PSMA4: variants seen among roughly 807,000 people sequenced by gnomAD.
PSMA4 encodes proteasome 20S subunit alpha 4.
Under a neutral mutation model 37.2 loss-of-function variants are expected in PSMA4, and 8 were observed. The ratio of observed to expected loss-of-function variants is 0.22; its 90% CI spans 0.13 to 0.39. PSMA4 has a LOEUF of 0.39. PSMA4 is among the 10% of genes least tolerant of loss of function. The pLI, the probability that PSMA4 is intolerant of heterozygous loss-of-function variation, is 1.00. For synonymous variants in PSMA4, 93 were observed against 98.8 expected, an observed-to-expected ratio of 0.94 and a Z score of 0.35; for missense variants, 169 against 305.1, an observed-to-expected ratio of 0.55 and a Z score of 3.32.
intron 8 of PSMA4, among the ~76,000 whole-genome samples, chr15:78,547,895 C>A: frequency 6.6e-6 from 1 of 151,562 alleles, no homozygotes; most frequent in East Asian, 2.0e-4. Context: ...TAACATGTTG[C>A]TTTATGTTAG....
chr15:78,548,840 C>A lies in PSMA4; in HGVS notation c.682C>A (p.Leu228Ile). The change falls in exon 9 of 9, where the codon CTC becomes ATC. Residue 228 changes from leucine (L) to isoleucine (I), a missense_variant. Leu to Ile is a conservative substitution (Grantham distance 5). Transcript: ENST00000044462. Reference sequence around the variant, plus strand: ...GAATGGAAAGACAGTAATCAGAGTTCTCAAACAAAAAGAAGTGGAGCAGTT... The same window carrying A: ...GAATGGAAAGACAGTAATCAGAGTTATCAAACAAAAAGAAGTGGAGCAGTT... Reference protein sequence around the residue: ...RENGKTVIRVLKQKEVEQLIK... With the variant: ...RENGKTVIRVIKQKEVEQLIK... The A allele has an allele frequency of 6.2e-7, 1 of 1,612,000 alleles. No individual in the cohort carries two copies.
At chr15:78,544,297 A>C (rs781630972) in intron 5 of PSMA4, 30 bp downstream of exon 5, 1 of 1,453,894 alleles carries the variant, frequency 6.9e-7, no homozygotes. Context: ...AACTGATGAT[A>C]CAGAAATTAG....
intron 4 of PSMA4, 121 bp from the exon 5 acceptor site, chr15:78,544,069 A>C: frequency 1.5e-6 from 1 of 651,872 alleles, no homozygotes; most frequent in South Asian, 2.2e-5. Context: ...TTCTGAAGGA[A>C]GTAGCTGTTG....
rs1266650629 is a variant in PSMA4 at position 78,544,299 on chromosome 15, A to G, written c.287+32A>G. The G allele has an allele frequency of 2.7e-6, 4 of 1,495,452 alleles. No individual in the cohort carries two copies. The Admixed American group carries it at 5.8e-5, about 22-fold the overall frequency. The allele number at this position is 1,495,452 out of a possible 1,614,324, so 92.6% of individuals were successfully genotyped here. A position where few individuals can be genotyped will look rare whatever the true frequency, so the allele number is the denominator to read the frequency against. On this transcript the variant is annotated intron_variant, in intron 5 of 8. Coordinates refer to ENST00000044462, the MANE Select transcript of PSMA4 (RefSeq NM_002789.6). ...TCATAAATAGCATAACTGATGATAC[A>G]GAAATTAGTTTTGATGTTTCTTTTT...
At chr15:78,545,038 T>A in intron 6 of PSMA4, 81 bp downstream of exon 6, 1 of 870,172 alleles carries the variant, frequency 1.1e-6, no homozygotes, top group Non-Finnish European at 1.7e-6. Context: ...AGTAAAAAAT[T>A]GAAAATAGAC....
At chr15:78,542,344 A>G (rs1359372344) in intron 3 of PSMA4, 125 bp downstream of exon 3, 1 of 1,397,100 alleles carries the variant, frequency 7.2e-7, no homozygotes, top group South Asian at 1.3e-5. Flanking sequence ...TGAAGCAATT[A>G]TCATCACCAG....
In PSMA4 at chr15:78,544,277, T is replaced by C. The variant is rs1567035542; in HGVS notation, c.287+10T>C. On this transcript the variant is annotated intron_variant, in intron 5 of 8. Coordinates refer to ENST00000044462, the MANE Select transcript of PSMA4 (RefSeq NM_002789.6). Reference sequence around the variant, plus strand: ...GGCTCATTGCTCAAAGGTATGGTCATAAATAGCATAACTGATGATACAGAA... The same window carrying C: ...GGCTCATTGCTCAAAGGTATGGTCACAAATAGCATAACTGATGATACAGAA... 2 of 1,532,454 alleles carry C rather than the reference T, an allele frequency of 1.3e-6. No homozygotes were observed. Among genetic ancestry groups the C allele is most frequent in the South Asian group, 2.3e-5 (2 of 85,782 alleles). The allele number at this position is 1,532,454 out of a possible 1,614,324, so 94.9% of individuals were successfully genotyped here.
intron 7 of PSMA4, among the ~76,000 whole-genome samples, chr15:78,546,311 G>T (rs575730785): frequency 6.6e-6 from 1 of 152,170 alleles, no homozygotes; most frequent in South Asian, 2.1e-4. Context: ...GGGCGCCATG[G>T]CATGTGCCTG....
intron 6 of PSMA4, 80 bp from the exon 7 acceptor site, chr15:78,545,554 C>G (rs1313643451): frequency 1.4e-6 from 2 of 1,477,886 alleles, no homozygotes; most frequent in East Asian, 2.3e-5. Flanking sequence ...TAGGGTTTAG[C>G]TACCTTCACT....
chr15:78,540,976 TTC>T (rs1452863635), intron 1 of PSMA4: 1 of 152,382 alleles, frequency 6.6e-6, no homozygotes, highest in South Asian at 2.1e-4. Context: ...TCCTCCCTGC[TTC>T]TCTGCTCTGT....
In PSMA4 at chr15:78,549,132, T is replaced by C. The variant is rs2052608785; in HGVS notation, c.*188T>C. The C allele has an allele frequency of 1.1e-6, 1 of 905,696 alleles. No homozygotes were observed. The highest frequency in any genetic ancestry group is 4.0e-4 in the Middle Eastern group (1 of 2,514). The allele number at this position is 905,696 out of a possible 1,614,324, so 56.1% of individuals were successfully genotyped here. A position where few individuals can be genotyped will look rare whatever the true frequency, so the allele number is the denominator to read the frequency against. Reference sequence around the variant, plus strand: ...TTGTAACGATGATGGTTACCCTTCATGGACGTCTTAATCTTCCACACACAT... The same window carrying C: ...TTGTAACGATGATGGTTACCCTTCACGGACGTCTTAATCTTCCACACACAT... On this transcript the variant is annotated 3_prime_UTR_variant, in exon 9 of 9. Transcript: ENST00000044462.
At position 78,551,897 on chromosome 15, in the gene PSMA4, A is replaced by T. The variant is rs774212038; in HGVS notation, c.*2953A>T. On this transcript the variant is annotated 3_prime_UTR_variant, in exon 9 of 9. Transcript: ENST00000044462. ...AGAGAGCCTGGTATAGTTTGCCGCC[A>T]CATTAGGAAAGTCTTCAGAATTTGA... The T allele has an allele frequency of 6.6e-6, 1 of 152,210 alleles. No homozygotes were observed. The highest frequency in any genetic ancestry group is 1.5e-5 in the Non-Finnish European group (1 of 68,038). 9.4% of individuals were successfully genotyped at this position (152,210 alleles called of 1,614,324 possible). A position where few individuals can be genotyped will look rare whatever the true frequency, so the allele number is the denominator to read the frequency against.
At chr15:78,545,327 C>G (rs1282253886) in intron 6 of PSMA4, among the ~76,000 whole-genome samples, 1 of 152,194 alleles carries the variant, frequency 6.6e-6, no homozygotes, top group Admixed American at 6.5e-5. Flanking sequence ...ATGTAGATTA[C>G]CCTCGTTTTA....
Position 78,546,557 on chromosome 15 carries a change from T to G in PSMA4, c.508-18T>G. The G allele has an allele frequency of 6.4e-7, 1 of 1,565,048 alleles. No individual in the cohort carries two copies. The highest frequency in any genetic ancestry group is 8.6e-7 in the Non-Finnish European group (1 of 1,165,174). On this transcript the variant is annotated intron_variant, in intron 7 of 8. Coordinates refer to ENST00000044462, the MANE Select transcript of PSMA4 (RefSeq NM_002789.6). ...AAATGTAAAAACTTAAAATTCTATG[T>G]TGATTCATGTTTTATAGGCAGCTGT...
rs374383865 is a variant in PSMA4 at position 78,542,168 on chromosome 15, C to T, written c.4-9C>T. On this transcript the variant is annotated splice_polypyrimidine_tract_variant and intron_variant, in intron 2 of 8. Coordinates refer to ENST00000044462, the MANE Select transcript of PSMA4 (RefSeq NM_002789.6). ...GGGTAGGAATCACTCATGTGTTTTTCCTTTGCAGTCTCGAAGATATGACTC... is the reference window on the plus strand; with the variant it reads ...GGGTAGGAATCACTCATGTGTTTTTTCTTTGCAGTCTCGAAGATATGACTC... 1 of 1,611,626 alleles carries T rather than the reference C, an allele frequency of 6.2e-7. No individual in the cohort carries two copies. Among genetic ancestry groups the T allele is most frequent in the South Asian group, 1.1e-5 (1 of 90,500 alleles).
intron 8 of PSMA4, among the ~76,000 whole-genome samples, chr15:78,548,532 G>T (rs2052596357): frequency 6.6e-6 from 1 of 152,128 alleles, no homozygotes; most frequent in African/African-American, 2.4e-5. Flanking sequence ...AATAGCAATT[G>T]GTTGATTATA....
At chr15:78,542,694 A>G (rs2052476503) in intron 4 of PSMA4, 49 bp downstream of exon 4, 7 of 1,507,218 alleles carry the variant, frequency 4.6e-6, no homozygotes, top group South Asian at 1.2e-5. Flanking sequence ...ACTTTCTCAC[A>G]TAAGTGGGAT....
Position 78,544,323 on chromosome 15 carries a change from T to C in PSMA4, c.287+56T>C, listed in dbSNP as rs2052511458. ...CAGAAATTAGTTTTGATGTTTCTTT[T>C]TTTTTTTTTTGAGACAGAGTCTCAC... is the stretch of plus-strand genomic sequence containing the variant. On this transcript the variant is annotated intron_variant, in intron 5 of 8. Coordinates refer to ENST00000044462, the MANE Select transcript of PSMA4 (RefSeq NM_002789.6). 1.2e-5 allele frequency: 16 copies of C among 1,382,852 alleles called. No individual in the cohort carries two copies. In the South Asian group the frequency reaches 1.9e-4, roughly 16 times the overall value. 85.7% of individuals were successfully genotyped at this position (1,382,852 alleles called of 1,614,324 possible). A position where few individuals can be genotyped will look rare whatever the true frequency, so the allele number is the denominator to read the frequency against.
intron 1 of PSMA4, 126 bp from the exon 2 acceptor site, chr15:78,541,779 A>T: frequency 1.3e-6 from 1 of 783,388 alleles, no homozygotes; most frequent in Non-Finnish European, 2.1e-6. Flanking sequence ...TTGGTATTCC[A>T]GCATCTAGCA....
Sources: allele counts gnomAD v4.1 joint callset (sites outside exome capture counted in the v4.1 genomes callset), GRCh38; gene constraint gnomAD v4.1.1; transcripts MANE v1.5; gene names NCBI Gene and HGNC (gene_info 2026-07-23, HGNC 2026-07-21).